The following ZHX2 variants were observed in gnomAD, a reference collection of about 807,000 sequenced individuals.
ZHX2 encodes zinc fingers and homeoboxes protein 2.
In ZHX2, 6 loss-of-function variants were observed where a neutral mutation model predicts 21.9. That is an observed-to-expected ratio of 0.27 (90% CI 0.15 to 0.54). ZHX2 has a LOEUF of 0.54. Among genes scored for constraint, ZHX2 ranks in the 20% least tolerant of loss-of-function variants. The probability of loss-of-function intolerance (pLI) is 0.95; values close to 1 mark genes in which losing one functional copy is unlikely to be tolerated. For missense variants in ZHX2, 908 were observed against 1,090.7 expected, an observed-to-expected ratio of 0.83 and a Z score of 2.36; for synonymous variants, 434 against 437.1, an observed-to-expected ratio of 0.99 and a Z score of 0.09.
At chr8:122,839,101 G>C (rs902005010) in intron 1 of ZHX2, among the ~76,000 whole-genome samples, 1 of 151,806 alleles carries the variant, frequency 6.6e-6, no homozygotes, top group African/African-American at 2.4e-5. Flanking sequence ...TTATATGTTG[G>C]AGCAGGGAAC....
At chr8:122,885,200 G>A (rs1192266559) in intron 2 of ZHX2, among the ~76,000 whole-genome samples, 4 of 152,164 alleles carry the variant, frequency 2.6e-5, no homozygotes, top group Non-Finnish European at 4.4e-5. Flanking sequence ...CTTCACTGGC[G>A]AGACCTTTCT....
intron 2 of ZHX2, among the ~76,000 whole-genome samples, chr8:122,949,053 A>G (rs1813045730): frequency 6.6e-6 from 1 of 152,256 alleles, no homozygotes; most frequent in African/African-American, 2.4e-5. Flanking sequence ...GGCCAGACGC[A>G]GTGGCTCAAA....
rs776963151 is a variant in ZHX2 at position 122,953,827 on chromosome 8, G to A, written c.2317G>A (p.Glu773Lys). The A allele has an allele frequency of 1.2e-6, 2 of 1,614,266 alleles. No individual in the cohort carries two copies. Among genetic ancestry groups the A allele is most frequent in the Admixed American group, 1.7e-5 (1 of 60,036 alleles). ...KPSEATSDRS[E>K]GSSRDGQGSD... The stretch of plus-strand genomic sequence containing the variant: ...CTCAGAGGCCACCTCAGACCGGTCA[G>A]AGGGCAGCAGCCGGGACGGCCAGGG... The change falls in exon 3 of 4, where the codon GAG (glutamate) becomes AAG (lysine). Residue 773 changes from glutamate (E) to lysine (K), a missense_variant. This residue lies in a region of ZHX2 where 431 missense variants were observed against 428.6 expected (regional missense o/e 1.01). Transcript: ENST00000314393. This position sits in a 1 kb window ranked among gnomAD's most constrained non-coding sequence, Gnocchi z 4.6.
At chr8:122,880,361 G>A (rs1795436473) in intron 2 of ZHX2, among the ~76,000 whole-genome samples, 1 of 152,040 alleles carries the variant, frequency 6.6e-6, no homozygotes, top group African/African-American at 2.4e-5. Flanking sequence ...GGGACTCAGA[G>A]GCAAGCTGTC....
chr8:122,786,281 G>A (rs1262619680), intron 1 of ZHX2, among the ~76,000 whole-genome samples: 8 of 152,318 alleles, frequency 5.3e-5, no homozygotes, highest in Non-Finnish European at 2.9e-5. Context: ...CCACTCATCA[G>A]CAGGATACCT....
intron 2 of ZHX2, among the ~76,000 whole-genome samples, chr8:122,885,086 G>A (rs555541383): frequency 6.6e-6 from 1 of 152,324 alleles, no homozygotes; most frequent in Non-Finnish European, 1.5e-5. Context: ...AGCAGGGCTG[G>A]TGAGACACAG....
chr8:122,966,108 A>G (rs1311399939), intron 3 of ZHX2, among the ~76,000 whole-genome samples: 1 of 152,178 alleles, frequency 6.6e-6, no homozygotes, highest in Non-Finnish European at 1.5e-5. Context: ...CCATTCTGCA[A>G]TTCAGTATAT....
intron 2 of ZHX2, among the ~76,000 whole-genome samples, chr8:122,876,696 G>A (rs934489886): frequency 3.9e-5 from 6 of 152,162 alleles, no homozygotes; most frequent in African/African-American, 7.2e-5. Context: ...TTTGTACACC[G>A]ATCGGCTAAT....
chr8:122,914,419 C>T (rs1820550491), intron 2 of ZHX2, among the ~76,000 whole-genome samples: 1 of 152,328 alleles, frequency 6.6e-6, no homozygotes, highest in African/African-American at 2.4e-5. Flanking sequence ...CATTTGCCTT[C>T]GACTGACAAA....
At chr8:122,841,929 T>A (rs1818638835) in intron 1 of ZHX2, among the ~76,000 whole-genome samples, 1 of 152,180 alleles carries the variant, frequency 6.6e-6, no homozygotes, top group Non-Finnish European at 1.5e-5. Context: ...CAGTATGAGA[T>A]ATGAAGACTC....
chr8:122,815,095 G>T (rs2130617728), intron 1 of ZHX2, among the ~76,000 whole-genome samples: 1 of 152,300 alleles, frequency 6.6e-6, no homozygotes, highest in South Asian at 2.1e-4. Flanking sequence ...AGGAAATGAG[G>T]TATATGAAAG....
intron 2 of ZHX2, among the ~76,000 whole-genome samples, chr8:122,932,371 T>C (rs940479434): frequency 6.6e-6 from 1 of 152,160 alleles, no homozygotes; most frequent in African/African-American, 2.4e-5. Flanking sequence ...AAAGTCAAGG[T>C]ATTGGCGGGC....
At position 122,951,732 on chromosome 8, in the gene ZHX2, C is replaced by T. The variant is rs772444562; in HGVS notation, c.222C>T (p.Leu74=). The T allele has an allele frequency of 6.2e-7, 1 of 1,614,106 alleles. No homozygotes were observed. ...TGGGGGAAAGCCAGTCCAAAAAACT[C>T]CAAGGTGGTTATGAGTGCAAATACT... ...KSMGESQSKK[L]QGGYECKYCP... The change falls in exon 3 of 4, where the codon CTC becomes CTT. Residue 74 remains leucine, a synonymous_variant. Coordinates refer to ENST00000314393, the MANE Select transcript of ZHX2 (RefSeq NM_014943.5).
intron 1 of ZHX2, among the ~76,000 whole-genome samples, chr8:122,849,799 A>G (rs2130736872): frequency 6.6e-6 from 1 of 152,328 alleles, no homozygotes; most frequent in Non-Finnish European, 1.5e-5. Flanking sequence ...GGGAGCCACG[A>G]TCAACCCATT....
chr8:122,956,955 C>T lies in ZHX2; in HGVS notation c.*4+2927C>T, dbSNP rs529327879. On this transcript the variant is annotated intron_variant, in intron 3 of 3. Coordinates refer to ENST00000314393, the MANE Select transcript of ZHX2 (RefSeq NM_014943.5). ...GTTATCCTGCCTGATGCCCCAGTGG[C>T]CCAAAGAAGACAGTAATGAGGGAGG... Among the ~76,000 whole-genome samples the T allele has an allele frequency of 3.2e-4, 48 of 152,122 alleles. 1 individual carries two copies. The highest frequency in any genetic ancestry group is 1.1e-3 in the African/African-American group (47 of 41,482).
At chr8:122,906,458 G>A (rs1314011318) in intron 2 of ZHX2, among the ~76,000 whole-genome samples, 3 of 152,124 alleles carry the variant, frequency 2.0e-5, no homozygotes, top group Non-Finnish European at 4.4e-5. Flanking sequence ...TCGTAGCTGC[G>A]ACACATGGTT....
At chr8:122,845,146 T>C (rs962462513) in intron 1 of ZHX2, among the ~76,000 whole-genome samples, 1 of 152,248 alleles carries the variant, frequency 6.6e-6, no homozygotes, top group Non-Finnish European at 1.5e-5. Flanking sequence ...TTGGGCAAAT[T>C]ACTTAATGTC....
chr8:122,818,166 T>A (rs1191841915), intron 1 of ZHX2, among the ~76,000 whole-genome samples: 1 of 152,204 alleles, frequency 6.6e-6, no homozygotes, highest in Non-Finnish European at 1.5e-5. Context: ...CGTCAAATGC[T>A]GCAGGGCATT....
intron 1 of ZHX2, among the ~76,000 whole-genome samples, chr8:122,852,797 T>C (rs1818932432): frequency 2.0e-5 from 3 of 152,162 alleles, no homozygotes; most frequent in African/African-American, 7.2e-5. Flanking sequence ...TGTCTGGTTC[T>C]TGCTTGCATC....
Sources: gnomAD v4.1 joint callset for allele counts (sites outside exome capture counted in the v4.1 genomes callset) on GRCh38, gnomAD v4.1.1 for gene constraint, gnomAD v4.1.1 regional missense constraint, Gnocchi (gnomAD v3.1) non-coding constraint, MANE v1.5 for transcripts, NCBI Gene and HGNC (gene_info 2026-07-23, HGNC 2026-07-21) for gene names.